The following SERPINB1 variants were observed in gnomAD, a reference collection of about 807,000 sequenced individuals.
SERPINB1 encodes the protein leukocyte elastase inhibitor.
In SERPINB1, 23 loss-of-function variants were observed where a neutral mutation model predicts 25.9. The observed-to-expected ratio is 0.89, with a 90% confidence interval of 0.64 to 1.26. The LOEUF (loss-of-function observed/expected upper bound fraction) is 1.26. Ranked by LOEUF, SERPINB1 falls within the 50% of genes most tolerant of loss-of-function variation. SERPINB1 has a pLI of 0.00. For synonymous variants in SERPINB1, 178 were observed against 178.7 expected, an observed-to-expected ratio of 1.00 and a Z score of 0.03; for missense variants, 399 against 463.6, an observed-to-expected ratio of 0.86 and a Z score of 1.28.
In SERPINB1 at chr6:2,838,655, T is replaced by C. The variant is rs1766564463; in HGVS notation, c.200A>G (p.His67Arg). ...AGCATTCAGACTCTGGAATCTTGAA[T>C]GAACCTCTTCAACCGTGTTGAAATG... Reference protein sequence around the residue: ...TFHFNTVEEVHSRFQSLNADI... With the variant: ...TFHFNTVEEVRSRFQSLNADI... The change falls in exon 3 of 7, where the codon CAT (histidine) becomes CGT (arginine). Residue 67 changes from histidine to arginine, a missense_variant. By Grantham distance (29) the His-to-Arg change is conservative. Coordinates refer to ENST00000380739, the MANE Select transcript of SERPINB1 (RefSeq NM_030666.4). 1 of 1,604,206 alleles carries C rather than the reference T, an allele frequency of 6.2e-7. No homozygotes were observed. The highest frequency in any genetic ancestry group is 1.3e-5 in the African/African-American group (1 of 74,550).
At position 2,840,501 on chromosome 6, in the gene SERPINB1, A is replaced by G; in HGVS notation, c.86T>C (p.Phe29Ser). 2 of 1,614,182 alleles carry G rather than the reference A, an allele frequency of 1.2e-6. No homozygotes were observed. The highest frequency in any genetic ancestry group is 1.7e-6 in the Non-Finnish European group (2 of 1,180,008). The change falls in exon 2 of 7, where the codon TTC (phenylalanine) becomes TCC (serine). Residue 29 changes from phenylalanine (F) to serine (S), a missense_variant. Physicochemically the swap from Phe to Ser is radical, Grantham distance 155. Transcript: ENST00000380739. The part of the protein sequence containing the change: ...LSENNPAGNI[F>S]ISPFSISSAM... ...AGATGAAATGCTGAAGGGAGAGATG[A>G]AGATGTTTCCAGCCGGATTGTTCTC...
Position 2,838,608 on chromosome 6 carries a change from A to T in SERPINB1, c.247T>A (p.Ser83Thr). 1 of 1,610,690 alleles carries T rather than the reference A, an allele frequency of 6.2e-7. No individual in the cohort carries two copies. Among genetic ancestry groups the T allele is most frequent in the Non-Finnish European group, 8.5e-7 (1 of 1,178,528 alleles). Residue 83 changes from serine to threonine, a missense_variant, in exon 3 of 7, where the codon TCT (serine) becomes ACT (threonine). Physicochemically the swap from Ser to Thr is moderately conservative, Grantham distance 58. Coordinates refer to ENST00000380739, the MANE Select transcript of SERPINB1 (RefSeq NM_030666.4). ...CTATTAGCAAGTTTCAGAATATAAGACGCTCCACGTTTGTTGATATCAGCA... is the reference window on the plus strand; with the variant it reads ...CTATTAGCAAGTTTCAGAATATAAGTCGCTCCACGTTTGTTGATATCAGCA... Reference protein sequence around the residue: ...LNADINKRGASYILKLANRLY... With the variant: ...LNADINKRGATYILKLANRLY...
rs1218496923 is a variant in SERPINB1 at position 2,833,312 on chromosome 6, T to C, written c.*296A>G. 3.8e-6 allele frequency: 1 copy of C among 264,084 alleles called. No individual in the cohort carries two copies. The highest frequency in any genetic ancestry group is 7.0e-6 in the Non-Finnish European group (1 of 142,186). 16.4% of individuals were successfully genotyped at this position (264,084 alleles called of 1,614,324 possible). On this transcript the variant is annotated 3_prime_UTR_variant, in exon 7 of 7. Transcript: ENST00000380739. ...ATGGCTATCAGGAGGATATAGCAATTTTATAGATTACTACATGGTCAAGAA... is the reference window on the plus strand; with the variant it reads ...ATGGCTATCAGGAGGATATAGCAATCTTATAGATTACTACATGGTCAAGAA...
rs914582893 is a variant in SERPINB1 at position 2,833,728 on chromosome 6, G to A, written c.1020C>T (p.Ile340=). ...CGGGCATCAACATGCAGAAAGTTGC[G>A]ATGCCTGCTGTGGCAGCTGCCGCCT... ...GTEAAAATAG[I]ATFCMLMPEE... The change falls in exon 7 of 7, where the codon ATC becomes ATT. Residue 340 remains isoleucine (I), a synonymous_variant. Transcript: ENST00000380739. The A allele has an allele frequency of 1.1e-5, 17 of 1,614,036 alleles. No individual in the cohort carries two copies. The highest frequency in any genetic ancestry group is 2.7e-5 in the African/African-American group (2 of 74,926).
In SERPINB1 at chr6:2,838,550, G is replaced by A. The variant is rs367849700; in HGVS notation, c.305C>T (p.Pro102Leu). ...GAATGTGAAGGGCAAAGTACTTACA[G>A]GAAGGAAATTGTAAGTTTTCTCTCC... Reference protein sequence around the residue: ...LYGEKTYNFLPEFLVSTQKTY... With the variant: ...LYGEKTYNFLLEFLVSTQKTY... The change falls in exon 3 of 7, where the codon CCT becomes CTT. Residue 102 changes from proline to leucine, a missense_variant and splice_region_variant. By Grantham distance (98) the Pro-to-Leu change is moderately conservative. Coordinates refer to ENST00000380739, the MANE Select transcript of SERPINB1 (RefSeq NM_030666.4). 9 of 1,594,722 alleles carry A rather than the reference G, an allele frequency of 5.6e-6. No individual in the cohort carries two copies. The African/African-American group carries it at 1.2e-4, about 22-fold the overall frequency.
In SERPINB1 at chr6:2,833,407, T is replaced by G. The variant is rs1766395834; in HGVS notation, c.*201A>C. On this transcript the variant is annotated 3_prime_UTR_variant, in exon 7 of 7. Coordinates refer to ENST00000380739, the MANE Select transcript of SERPINB1 (RefSeq NM_030666.4). The stretch of plus-strand genomic sequence containing the variant: ...TTCAAAAGCAACCACTGGATTTTTT[T>G]CAATGTAAAAAAGAAAAATAGATAC... 1 of 489,930 alleles carries G rather than the reference T, an allele frequency of 2.0e-6. No individual in the cohort carries two copies. Among genetic ancestry groups the G allele is most frequent in the Admixed American group, 3.8e-5 (1 of 26,314 alleles). The allele number at this position is 489,930 out of a possible 1,614,324, so 30.3% of individuals were successfully genotyped here. A position where few individuals can be genotyped will look rare whatever the true frequency, so the allele number is the denominator to read the frequency against.
At chr6:2,835,721 T>C in intron 6 of SERPINB1, 135 bp downstream of exon 6, 2 of 981,240 alleles carry the variant, frequency 2.0e-6, no homozygotes, top group Non-Finnish European at 3.0e-6. Context: ...GTAGTAAGTG[T>C]TGATGGGCTA....
chr6:2,835,649 C>A lies in SERPINB1; in HGVS notation c.735+207G>T, dbSNP rs141702853. Among the ~76,000 whole-genome samples the A allele has an allele frequency of 2.3e-3, 356 of 152,240 alleles. 1 individual carries two copies. Among genetic ancestry groups the A allele is most frequent in the African/African-American group, 8.2e-3 (339 of 41,538 alleles). On this transcript the variant is annotated intron_variant, in intron 6 of 6. Coordinates refer to ENST00000380739, the MANE Select transcript of SERPINB1 (RefSeq NM_030666.4). ...GCCAGGAGGTCAAGACCAGCCTAAACAACATAGTGAGACCTTGTCTCTATA... is the reference window on the plus strand; with the variant it reads ...GCCAGGAGGTCAAGACCAGCCTAAAAAACATAGTGAGACCTTGTCTCTATA...
chr6:2,836,095 T>TA lies in SERPINB1; in HGVS notation c.567+12dup. The TA allele has an allele frequency of 6.2e-7, 1 of 1,613,990 alleles. No homozygotes were observed. The highest frequency in any genetic ancestry group is 1.1e-5 in the South Asian group (1 of 91,040). On this transcript the variant is annotated intron_variant, in intron 5 of 6. Coordinates refer to ENST00000380739, the MANE Select transcript of SERPINB1 (RefSeq NM_030666.4). ...AGAGCAATGCATGACTCTGTACAGT[T>TA]ACCTCACCTCACCTTATTCAATCTG...
intron 2 of SERPINB1, 45 bp from the exon 3 acceptor site, chr6:2,838,731 C>T: frequency 1.4e-6 from 2 of 1,423,530 alleles, no homozygotes; most frequent in Non-Finnish European, 1.9e-6. Flanking sequence ...TATTTTGAAA[C>T]TATAAAGTGA....
chr6:2,840,353 C>T, intron 2 of SERPINB1, 66 bp downstream of exon 2: 9 of 1,580,038 alleles, frequency 5.7e-6, no homozygotes, highest in Non-Finnish European at 7.8e-6. Context: ...CACAACCTTT[C>T]CATGCAGACT....
chr6:2,840,676 C>T, intron 1 of SERPINB1, 82 bp from the exon 2 acceptor site: 4 of 1,363,124 alleles, frequency 2.9e-6, no homozygotes, highest in Non-Finnish European at 4.0e-6. Flanking sequence ...GAAGCTTCCT[C>T]AATTTCTGCC....
chr6:2,833,926 G>C lies in SERPINB1; in HGVS notation c.822C>G (p.Pro274=). 6.2e-7 allele frequency: 1 copy of C among 1,614,052 alleles called. No homozygotes were observed. Residue 274 remains proline (P), a synonymous_variant, in exon 7 of 7, where the codon CCC becomes CCG. Coordinates refer to ENST00000380739, the MANE Select transcript of SERPINB1 (RefSeq NM_030666.4). ...TGTAACTCTCTTCCAGTTTGAACCTGGGCAAGCTGACATTAACTTCAATGA... is the reference window on the plus strand; with the variant it reads ...TGTAACTCTCTTCCAGTTTGAACCTCGGCAAGCTGACATTAACTTCAATGA... ...LDFIEVNVSL[P]RFKLEESYTL... is the part of the protein sequence containing the mutation.
In SERPINB1 at chr6:2,838,556, A is replaced by C. The variant is rs781334333; in HGVS notation, c.299T>G (p.Phe100Cys). The stretch of plus-strand genomic sequence containing the variant: ...GAAGGGCAAAGTACTTACAGGAAGG[A>C]AATTGTAAGTTTTCTCTCCATATAA... ...NRLYGEKTYNFLPEFLVSTQK... is the reference protein window; with the variant it reads ...NRLYGEKTYNCLPEFLVSTQK... The change falls in exon 3 of 7, where the codon TTC (phenylalanine) becomes TGC (cysteine). Residue 100 changes from phenylalanine to cysteine, a missense_variant. Transcript: ENST00000380739. 56 of 1,596,396 alleles carry C rather than the reference A, an allele frequency of 3.5e-5. No homozygotes were observed. Among genetic ancestry groups the C allele is most frequent in the Non-Finnish European group, 4.4e-5 (52 of 1,172,528 alleles).
Position 2,837,603 on chromosome 6 carries a change from G to A in SERPINB1, c.424+279C>T, listed in dbSNP as rs576507764. ...CCAATGTTGGTTTTAACTTTGAAAT[G>A]CAACTTTAAAAGTTTTGGGGAGCTG... On this transcript the variant is annotated intron_variant, in intron 4 of 6. Transcript: ENST00000380739. The surrounding 1 kb of genome is among the most constrained non-coding windows in gnomAD (Gnocchi z 4.3). Among the ~76,000 whole-genome samples the A allele has an allele frequency of 6.6e-6, 1 of 152,334 alleles. No homozygotes were observed. Among genetic ancestry groups the A allele is most frequent in the African/African-American group, 2.4e-5 (1 of 41,576 alleles).
In SERPINB1 at chr6:2,836,182, T is replaced by C. The variant is rs763114331; in HGVS notation, c.493A>G (p.Ile165Val). ...TCCTTCCAGTTTCCCTTGAAATAGA[T>C]GGCATTTACTAGCACAAGTTTGGTC... Reference protein sequence around the residue: ...NMTKLVLVNAIYFKGNWKDKF... With the variant: ...NMTKLVLVNAVYFKGNWKDKF... The change falls in exon 5 of 7, where the codon ATC (isoleucine) becomes GTC (valine). Residue 165 changes from isoleucine to valine, a missense_variant. Coordinates refer to ENST00000380739, the MANE Select transcript of SERPINB1 (RefSeq NM_030666.4). 4 of 1,614,120 alleles carry C rather than the reference T, an allele frequency of 2.5e-6. No homozygotes were observed. Among genetic ancestry groups the C allele is most frequent in the Non-Finnish European group, 3.4e-6 (4 of 1,180,032 alleles).
rs111818360 is a variant in SERPINB1, at chr6:2,837,766, G to A, written c.424+116C>T. 1.5e-5 allele frequency: 12 copies of A among 779,494 alleles called. No individual in the cohort carries two copies. Among genetic ancestry groups the A allele is most frequent in the African/African-American group, 5.1e-5 (3 of 58,300 alleles). 48.3% of individuals were successfully genotyped at this position (779,494 alleles called of 1,614,324 possible). Reference sequence around the variant, plus strand: ...GGCAGCGTCCTCTGACTGTAACCACGATGTGCGCCAGGACTGTGGGAGCTG... The same window carrying A: ...GGCAGCGTCCTCTGACTGTAACCACAATGTGCGCCAGGACTGTGGGAGCTG... On this transcript the variant is annotated intron_variant, in intron 4 of 6. Transcript: ENST00000380739. The surrounding 1 kb of genome is among the most constrained non-coding windows in gnomAD (Gnocchi z 4.3).
chr6:2,834,058 ATAAG>A lies in SERPINB1; in HGVS notation c.736-50_736-47del, dbSNP rs778925350. 25 of 1,503,326 alleles carry A rather than the reference ATAAG, an allele frequency of 1.7e-5. 1 individual carries two copies. Among genetic ancestry groups the A allele is most frequent in the South Asian group, 1.6e-4 (13 of 78,862 alleles). The allele number at this position is 1,503,326 out of a possible 1,614,324, so 93.1% of individuals were successfully genotyped here. On this transcript the variant is annotated intron_variant, in intron 6 of 6. Transcript: ENST00000380739. The stretch of plus-strand genomic sequence containing the variant: ...AAAGAGGAAGTGATATCAATTTTAC[ATAAG>A]TAAGGCAATAAAGTATTATTGAATC...
Position 2,837,529 on chromosome 6 carries a change from C to T in SERPINB1, c.424+353G>A, listed in dbSNP as rs1766527818. On this transcript the variant is annotated intron_variant, in intron 4 of 6. Coordinates refer to ENST00000380739, the MANE Select transcript of SERPINB1 (RefSeq NM_030666.4). This position sits in a 1 kb window ranked among gnomAD's most constrained non-coding sequence, Gnocchi z 4.3. ...CTCCTGACCTCAAATGATCCGCCCG[C>T]CTTGGGCTCCCAAAGTGCTGGGATT... 6.6e-6 allele frequency among the ~76,000 whole-genome samples: 1 copy of T among 152,206 alleles called. No individual in the cohort carries two copies. Among genetic ancestry groups the T allele is most frequent in the African/African-American group, 2.4e-5 (1 of 41,432 alleles).
Sources: gnomAD v4.1 joint callset for allele counts (sites outside exome capture counted in the v4.1 genomes callset) on GRCh38, gnomAD v4.1.1 for gene constraint, Gnocchi (gnomAD v3.1) non-coding constraint, MANE v1.5 for transcripts, NCBI Gene and HGNC (gene_info 2026-07-23, HGNC 2026-07-21) for gene names.